AGBL2: variants seen among roughly 807,000 people sequenced by gnomAD.
The protein encoded by AGBL2 is cytosolic carboxypeptidase 2.
In AGBL2, 87 loss-of-function variants were observed where a neutral mutation model predicts 103.0. The observed-to-expected ratio is 0.84, with a 90% CI of 0.71 to 1.01. The LOEUF (loss-of-function observed/expected upper bound fraction) is 1.01. Ranked by LOEUF, AGBL2 falls within the 50% of genes least tolerant of loss-of-function variation. The pLI, the probability that AGBL2 is intolerant of heterozygous loss-of-function variation, is 0.00. For missense variants in AGBL2, 904 were observed against 1,023.5 expected (o/e 0.88, Z 1.59); for synonymous variants, 335 against 356.7 (o/e 0.94, Z 0.69).
chr11:47,672,359 GGTTGGAGTGCA>G (rs1419805409), intron 14 of AGBL2, among the ~76,000 whole-genome samples: 1 of 151,870 alleles, frequency 6.6e-6, no homozygotes, highest in African/African-American at 2.4e-5. Context: ...GTGTCGCTCA[GGTTGGAGTGCA>G]GTAGTGCAAT....
At chr11:47,706,306 G>A (rs1391312729) in intron 4 of AGBL2, among the ~76,000 whole-genome samples, 1 of 152,022 alleles carries the variant, frequency 6.6e-6, no homozygotes, top group Non-Finnish European at 1.5e-5. Flanking sequence ...CACGAGGTCA[G>A]GAGATCGAGA....
chr11:47,660,185 G>GTA lies in AGBL2; in HGVS notation c.2695_2696dup (p.Tyr901HisfsTer5). On this transcript the variant is annotated frameshift_variant, in exon 19 of 19. Transcript: ENST00000525123. LOFTEE classifies it high-confidence loss of function. ...AGCCCAGGCTCACCTACGGGTATGT[G>GTA]TATATGTGCAAGGATGGGTATGCCG... 4.3e-6 allele frequency: 7 copies of GTA among 1,613,812 alleles called. No individual in the cohort carries two copies. Among genetic ancestry groups the GTA allele is most frequent in the Non-Finnish European group, 5.9e-6 (7 of 1,179,950 alleles).
intron 11 of AGBL2, among the ~76,000 whole-genome samples, chr11:47,682,914 T>A (rs2097406894): frequency 6.6e-6 from 1 of 151,816 alleles, no homozygotes; most frequent in Non-Finnish European, 1.5e-5. Flanking sequence ...CTGCTTCAAT[T>A]AGTTTGTTTT....
At chr11:47,698,841 G>A (rs2097486963) in intron 8 of AGBL2, among the ~76,000 whole-genome samples, 2 of 151,736 alleles carry the variant, frequency 1.3e-5, no homozygotes, top group South Asian at 4.1e-4. Context: ...GTCAGAGAAT[G>A]TACTTTGTAT....
rs1421291872 is a variant in AGBL2, at chr11:47,713,504, G to A, written c.97+780C>T. Reference sequence around the variant, plus strand: ...CGTGCCACTGCACTCCAGCCTGGGCGACAGGGTGAGACTTCATCTCAAAAT... The same window carrying A: ...CGTGCCACTGCACTCCAGCCTGGGCAACAGGGTGAGACTTCATCTCAAAAT... On this transcript the variant is annotated intron_variant, in intron 3 of 18. Coordinates refer to ENST00000525123, the MANE Select transcript of AGBL2 (RefSeq NM_024783.4). Among the ~76,000 whole-genome samples, 4 of 150,940 alleles carry A rather than the reference G, an allele frequency of 2.7e-5. No individual in the cohort carries two copies. The East Asian group carries it at 7.8e-4, about 30-fold the overall frequency.
chr11:47,664,555 C>T (rs138334326), intron 17 of AGBL2, among the ~76,000 whole-genome samples: 4,962 of 151,468 alleles, frequency 0.033, 275 homozygotes, highest in African/African-American at 0.11. Context: ...GGGACTACAG[C>T]GATGCACCAC....
chr11:47,702,838 C>T lies in AGBL2; in HGVS notation c.586+1705G>A, dbSNP rs539483439. Among the ~76,000 whole-genome samples, 27 of 152,068 alleles carry T rather than the reference C, an allele frequency of 1.8e-4. No homozygotes were observed. In the East Asian group the frequency reaches 2.1e-3, roughly 12 times the overall value. ...GCAGTGAGCCGAGATGGAGCCATTG[C>T]ACTCTAGCCTGGGTGATAGAGCAAG... On this transcript the variant is annotated intron_variant, in intron 7 of 18. Transcript: ENST00000525123.
Position 47,690,480 on chromosome 11 carries a change from T to C in AGBL2, c.1227A>G (p.Ser409=), listed in dbSNP as rs2097440630. 6.2e-7 allele frequency: 1 copy of C among 1,614,042 alleles called. No individual in the cohort carries two copies. The highest frequency in any genetic ancestry group is 1.7e-5 in the Admixed American group (1 of 59,970). The part of the protein sequence containing the change: ...TYTDLQCYLL[S]VANNPIQSQF... ...GAGACTGGATAGGGTTGTTTGCCAC[T>C]GACAGGAGGTAGCATTGCAAATCAG... is the stretch of plus-strand genomic sequence containing the variant. Residue 409 remains serine (S), a synonymous_variant, in exon 10 of 19, where the codon TCA becomes TCG. Transcript: ENST00000525123.
chr11:47,683,109 G>A (rs1431900953), intron 11 of AGBL2, among the ~76,000 whole-genome samples: 1 of 152,192 alleles, frequency 6.6e-6, no homozygotes, highest in East Asian at 1.9e-4. Flanking sequence ...GGTGGCTCAT[G>A]CCTGTAATCC....
At position 47,701,886 on chromosome 11, in the gene AGBL2, G is replaced by C. The variant is rs538083605; in HGVS notation, c.587-2333C>G. 2.7e-5 allele frequency among the ~76,000 whole-genome samples: 4 copies of C among 149,418 alleles called. No individual in the cohort carries two copies. In the East Asian group the frequency reaches 8.0e-4, roughly 30 times the overall value. ...CTACTTGGGAGGCTGTGGCAGAGAAGCACTTGAACCTGGGAGGCGGAGGTT... is the reference window on the plus strand; with the variant it reads ...CTACTTGGGAGGCTGTGGCAGAGAACCACTTGAACCTGGGAGGCGGAGGTT... On this transcript the variant is annotated intron_variant, in intron 7 of 18. Coordinates refer to ENST00000525123, the MANE Select transcript of AGBL2 (RefSeq NM_024783.4).
intron 14 of AGBL2, among the ~76,000 whole-genome samples, chr11:47,676,974 T>G (rs1011726349): frequency 1.4e-4 from 22 of 152,282 alleles, no homozygotes; most frequent in Middle Eastern, 3.4e-3. Flanking sequence ...TCCCTACTCC[T>G]TTCTAATGGC....
intron 17 of AGBL2, among the ~76,000 whole-genome samples, chr11:47,666,391 CAAAAAAAAA>C: frequency 9.0e-6 from 1 of 111,422 alleles, no homozygotes; most frequent in South Asian, 2.7e-4. Context: ...GACTCCATCT[CAAAAAAAAA>C]AAAAAGAAAA....
At chr11:47,667,095 A>G (rs767169111) in intron 16 of AGBL2, 32 bp from the exon 17 acceptor site, 10 of 1,427,776 alleles carry the variant, frequency 7.0e-6, no homozygotes, top group Admixed American at 6.4e-5. Flanking sequence ...ATCTTTTTCA[A>G]TTGATCTATT....
At chr11:47,681,141 G>A (rs2097399694) in intron 12 of AGBL2, among the ~76,000 whole-genome samples, 1 of 151,886 alleles carries the variant, frequency 6.6e-6, no homozygotes, top group South Asian at 2.1e-4. Context: ...GCCAGCTTGA[G>A]CAACATAAGG....
rs1319960474 is a variant in AGBL2 at position 47,677,292 on chromosome 11, G to A, written c.2126C>T (p.Ser709Phe). The change falls in exon 14 of 19, where the codon TCT becomes TTT. Residue 709 changes from serine to phenylalanine, a missense_variant. By Grantham distance (155) the Ser-to-Phe change is radical. Transcript: ENST00000525123. ...VDLEGSWSDISLSDIESSTSG... is the reference protein window; with the variant it reads ...VDLEGSWSDIFLSDIESSTSG... ...TTACCTGGATTCAATGTCAGACAAA[G>A]AGATGTCACTCCAACTTCCTTCTAA... The A allele has an allele frequency of 6.3e-7, 1 of 1,596,636 alleles. No individual in the cohort carries two copies.
rs777996137 is a variant in AGBL2, at chr11:47,704,654, G to A, written c.475C>T (p.Arg159Cys). The A allele has an allele frequency of 1.3e-5, 21 of 1,613,926 alleles. No individual in the cohort carries two copies. Among genetic ancestry groups the A allele is most frequent in the African/African-American group, 4.0e-5 (3 of 74,918 alleles). ...LYDELDEVNP[R>C]LREPQELFSI... ...AAGAGCTCTTGGGGTTCTCGAAGAC[G>A]TGGGTTTACTTCATCCAACTCATCA... The change falls in exon 7 of 19, where the codon CGT (arginine) becomes TGT (cysteine). Residue 159 changes from arginine to cysteine, a missense_variant. By Grantham distance (180) the Arg-to-Cys change is radical. Coordinates refer to ENST00000525123, the MANE Select transcript of AGBL2 (RefSeq NM_024783.4).
chr11:47,711,150 C>T lies in AGBL2; in HGVS notation c.98-639G>A, dbSNP rs570182887. The stretch of plus-strand genomic sequence containing the variant: ...TCAAGGACTTTCTGACCTCTCCTGT[C>T]TCCCCACTACCCCAAGAGCAGGAAG... On this transcript the variant is annotated intron_variant, in intron 3 of 18. Coordinates refer to ENST00000525123, the MANE Select transcript of AGBL2 (RefSeq NM_024783.4). Among the ~76,000 whole-genome samples the T allele has an allele frequency of 9.6e-4, 146 of 152,200 alleles. 1 individual carries two copies. Among genetic ancestry groups the T allele is most frequent in the Non-Finnish European group, 1.8e-3 (123 of 68,012 alleles).
At chr11:47,668,649 G>A (rs1438104905) in intron 15 of AGBL2, among the ~76,000 whole-genome samples, 192 bp downstream of exon 15, 2 of 152,172 alleles carry the variant, frequency 1.3e-5, no homozygotes, top group Admixed American at 6.6e-5. Context: ...GTTACCTTAA[G>A]ATGGCCTTAA....
intron 13 of AGBL2, 66 bp downstream of exon 13, chr11:47,679,907 G>T: frequency 9.5e-7 from 1 of 1,052,054 alleles, no homozygotes; most frequent in Non-Finnish European, 1.5e-6. Context: ...CTCCCAAAGT[G>T]CTAGGATTAC....
Sources: gnomAD v4.1 joint callset for allele counts (sites outside exome capture counted in the v4.1 genomes callset) on GRCh38, gnomAD v4.1.1 for gene constraint, MANE v1.5 for transcripts, NCBI Gene and HGNC (gene_info 2026-07-23, HGNC 2026-07-21) for gene names.